ALMS1: variants seen among roughly 807,000 people sequenced by gnomAD.
The protein encoded by ALMS1 is centrosome-associated protein ALMS1.
A neutral mutation model predicts 352.2 loss-of-function variants in ALMS1; 271 were observed. The ratio of observed to expected loss-of-function variants is 0.77; its 90% confidence interval spans 0.70 to 0.85. The LOEUF (loss-of-function observed/expected upper bound fraction) is 0.85, where lower values mean the gene tolerates loss of function less well. Ranked by LOEUF, ALMS1 falls within the 40% of genes least tolerant of loss-of-function variation. ALMS1 has a pLI of 0.00. For missense variants in ALMS1, 5,445 were observed against 4,870.7 expected, an observed-to-expected ratio of 1.12 and a Z score of -3.51; for synonymous variants, 1,865 against 1,761.2, an observed-to-expected ratio of 1.06 and a Z score of -1.48.
Position 73,564,331 on chromosome 2 carries a change from C to G in ALMS1, c.10384+5189C>G, listed in dbSNP as rs185124287. On this transcript the variant is annotated intron_variant, in intron 15 of 22. Coordinates refer to ENST00000613296, the MANE Select transcript of ALMS1 (RefSeq NM_001378454.1). ...AAATACAAAATATAGCCGGGCATGG[C>G]GGTGCATGCCGATAATCCCAGCTAT... 5.9e-3 allele frequency among the ~76,000 whole-genome samples: 901 copies of G among 151,652 alleles called. 4 individuals carry two copies. The highest frequency in any genetic ancestry group is 9.0e-3 in the South Asian group (43 of 4,792).
chr2:73,486,439 C>G (rs1672848542), intron 9 of ALMS1, among the ~76,000 whole-genome samples: 1 of 152,120 alleles, frequency 6.6e-6, no homozygotes, highest in South Asian at 2.1e-4. Context: ...TGATGGTTGG[C>G]TGGAGTAGAA....
chr2:73,571,496 CA>C (rs1674926769), intron 15 of ALMS1, among the ~76,000 whole-genome samples: 1 of 152,030 alleles, frequency 6.6e-6, no homozygotes, highest in Non-Finnish European at 1.5e-5. Context: ...AGGGAAAGGC[CA>C]AACAGGAGCC....
rs780096650 is a variant in ALMS1, at chr2:73,489,883, G to A, written c.7924G>A (p.Val2642Ile). 3 of 1,614,158 alleles carry A rather than the reference G, an allele frequency of 1.9e-6. No homozygotes were observed. The Admixed American group carries it at 5.0e-5, about 27-fold the overall frequency. ...AGACCAGAACAACTCCCATTTCAAA[G>A]TTTGGAATTCCTTGCAGTTAAAAAG... ...SLDQNNSHFK[V>I]WNSLQLKSHS... Residue 2642 changes from valine to isoleucine, a missense_variant, in exon 10 of 23, where the codon GTT (valine) becomes ATT (isoleucine). Val to Ile is a conservative substitution (Grantham distance 29). Coordinates refer to ENST00000613296, the MANE Select transcript of ALMS1 (RefSeq NM_001378454.1).
At chr2:73,505,398 T>C (rs1483444850) in intron 10 of ALMS1, among the ~76,000 whole-genome samples, 1 of 152,200 alleles carries the variant, frequency 6.6e-6, no homozygotes, top group East Asian at 1.9e-4. Context: ...TTCCCAACTT[T>C]TTAATGATTG....
chr2:73,568,995 CTTTTTTTTTTTTTTTTTTTTTTT>C (rs747436819), intron 15 of ALMS1, among the ~76,000 whole-genome samples: 3 of 53,532 alleles, frequency 5.6e-5, no homozygotes, highest in Non-Finnish European at 1.0e-4. Context: ...GCTTCTGCTT[CTTTTTTTTTTTTTTTTTTTTTTT>C]TTTTTTTTTT....
At position 73,572,501 on chromosome 2, in the gene ALMS1, T is replaced by G; in HGVS notation, c.10624T>G (p.Tyr3542Asp). Reference sequence around the variant, plus strand: ...AAACATGGACAAGACTAAGACAGATTATACCAGAATAAAGAGCCTCAGCAT... The same window carrying G: ...AAACATGGACAAGACTAAGACAGATGATACCAGAATAAAGAGCCTCAGCAT... Reference protein sequence around the residue: ...YQNMDKTKTDYTRIKSLSINV... With the variant: ...YQNMDKTKTDDTRIKSLSINV... The change falls in exon 16 of 23, where the codon TAT (tyrosine) becomes GAT (aspartate). Residue 3542 changes from tyrosine to aspartate, a missense_variant. Physicochemically the swap from Tyr to Asp is radical, Grantham distance 160 (BLOSUM62 -3). Coordinates refer to ENST00000613296, the MANE Select transcript of ALMS1 (RefSeq NM_001378454.1). The G allele has an allele frequency of 1.2e-6, 2 of 1,613,840 alleles. No homozygotes were observed. The highest frequency in any genetic ancestry group is 1.7e-6 in the Non-Finnish European group (2 of 1,179,966).
At chr2:73,507,380 A>G (rs1673350270) in intron 10 of ALMS1, among the ~76,000 whole-genome samples, 1 of 152,234 alleles carries the variant, frequency 6.6e-6, no homozygotes, top group African/African-American at 2.4e-5. Flanking sequence ...TACCTCTGGT[A>G]GAATTCGGCT....
chr2:73,501,734 C>G (rs556465113), intron 10 of ALMS1, among the ~76,000 whole-genome samples: 1 of 152,004 alleles, frequency 6.6e-6, no homozygotes, highest in Non-Finnish European at 1.5e-5. Flanking sequence ...TGTCCTCCAA[C>G]CTTGTTTTTG....
rs946920136 is a variant in ALMS1 at position 73,419,006 on chromosome 2, G to C, written c.451-117G>C. 1.2e-5 allele frequency: 10 copies of C among 854,350 alleles called. No homozygotes were observed. In the African/African-American group the frequency reaches 1.7e-4, roughly 15 times the overall value. 52.9% of individuals were successfully genotyped at this position (854,350 alleles called of 1,614,324 possible). ...AGCTTTACATTTTCTATACTTTGAT[G>C]AGAATGTCATTAAATAGGAAGCTAT... On this transcript the variant is annotated intron_variant, in intron 2 of 22. Coordinates refer to ENST00000613296, the MANE Select transcript of ALMS1 (RefSeq NM_001378454.1).
chr2:73,518,651 A>G (rs1414436646), intron 10 of ALMS1, among the ~76,000 whole-genome samples: 1 of 152,218 alleles, frequency 6.6e-6, no homozygotes, highest in African/African-American at 2.4e-5. Context: ...TTTTTATAAC[A>G]GCCATTCTGA....
At chr2:73,461,973 G>A (rs554930781) in intron 9 of ALMS1, among the ~76,000 whole-genome samples, 4 of 152,090 alleles carry the variant, frequency 2.6e-5, no homozygotes, top group African/African-American at 4.8e-5. Flanking sequence ...CCAAATCTAC[G>A]TCTGATTGGT....
At chr2:73,433,467 G>A (rs1671550528) in intron 7 of ALMS1, among the ~76,000 whole-genome samples, 1 of 152,186 alleles carries the variant, frequency 6.6e-6, no homozygotes, top group African/African-American at 2.4e-5. Flanking sequence ...AAGTTACTGA[G>A]AGCACTAGAA....
intron 12 of ALMS1, among the ~76,000 whole-genome samples, chr2:73,538,677 C>T (rs1462550291): frequency 3.3e-5 from 5 of 152,196 alleles, no homozygotes; most frequent in Non-Finnish European, 7.4e-5. Flanking sequence ...AATCGGGTCA[C>T]TCCCACCCTA....
At chr2:73,400,844 A>G (rs1160101218) in intron 1 of ALMS1, among the ~76,000 whole-genome samples, 1 of 151,832 alleles carries the variant, frequency 6.6e-6, no homozygotes, top group Non-Finnish European at 1.5e-5. Flanking sequence ...CAGGAGTGCA[A>G]TGGCGCAGTC....
intron 16 of ALMS1, among the ~76,000 whole-genome samples, chr2:73,585,685 C>T (rs1329630774): frequency 1.3e-5 from 2 of 150,722 alleles, no homozygotes; most frequent in South Asian, 2.1e-4. Flanking sequence ...TAAGCCACCA[C>T]GCCTGGCCGA....
chr2:73,523,601 T>C (rs938995299), intron 11 of ALMS1, among the ~76,000 whole-genome samples: 3 of 152,178 alleles, frequency 2.0e-5, no homozygotes, highest in African/African-American at 7.2e-5. Flanking sequence ...ACCTCATCTG[T>C]ACTAAAAATA....
intron 12 of ALMS1, among the ~76,000 whole-genome samples, chr2:73,549,094 T>C (rs1211271721): frequency 6.6e-6 from 1 of 152,194 alleles, no homozygotes. Context: ...TATTGCCATA[T>C]ACATACTAGG....
chr2:73,426,283 G>A (rs1671375522), intron 5 of ALMS1, among the ~76,000 whole-genome samples, 170 bp from the exon 6 acceptor site: 2 of 152,206 alleles, frequency 1.3e-5, no homozygotes, highest in Admixed American at 6.5e-5. Flanking sequence ...GGCATGTGAT[G>A]CAAAGTCACA....
chr2:73,601,062 T>G, intron 18 of ALMS1, 133 bp from the exon 19 acceptor site: 1 of 1,484,388 alleles, frequency 6.7e-7, no homozygotes, highest in Non-Finnish European at 9.2e-7. Flanking sequence ...AAAACCAGAC[T>G]CAAGGGCACC....
Sources: gnomAD v4.1 joint callset for allele counts (sites outside exome capture counted in the v4.1 genomes callset) on GRCh38, gnomAD v4.1.1 for gene constraint, MANE v1.5 for transcripts, NCBI Gene and HGNC (gene_info 2026-07-23, HGNC 2026-07-21) for gene names.